The following EFCAB5 variants were observed in gnomAD, a reference collection of about 807,000 sequenced individuals.
The protein encoded by EFCAB5 is EF-hand calcium-binding domain-containing protein 5.
Under a neutral mutation model 167.9 loss-of-function variants are expected in EFCAB5, and 131 were observed. That is an observed-to-expected ratio of 0.78 (90% CI 0.68 to 0.90). EFCAB5 has a LOEUF of 0.90. EFCAB5 is among the 40% of genes least tolerant of loss of function. The pLI is 0.00. For synonymous variants in EFCAB5, 574 were observed against 602.8 expected (o/e 0.95, Z 0.70); for missense variants, 1,663 against 1,745.2 (o/e 0.95, Z 0.84).
intron 4 of EFCAB5, among the ~76,000 whole-genome samples, chr17:29,988,853 T>C (rs1345863728): frequency 6.6e-6 from 1 of 152,192 alleles, no homozygotes; most frequent in East Asian, 1.9e-4. Context: ...GATCTTGCTC[T>C]TGAACAATAA....
Position 30,055,956 on chromosome 17 carries a change from T to A in EFCAB5, c.2263T>A (p.Ser755Thr). The change falls in exon 11 of 23, where the codon TCA becomes ACA. Residue 755 changes from serine to threonine, a missense_variant. Physicochemically the swap from Ser to Thr is moderately conservative, Grantham distance 58 (BLOSUM62 1). Transcript: ENST00000394835. ...CAAGTCCCAAAAAATAGAAGGAAAG[T>A]CATGGTCAGGTAACTCCTCATTTAA... ...EPKSQKIEGK[S>T]WSGEFFTCNW... is the part of the protein sequence containing the mutation. The A allele has an allele frequency of 6.2e-7, 1 of 1,613,516 alleles. No individual in the cohort carries two copies. Among genetic ancestry groups the A allele is most frequent in the South Asian group, 1.1e-5 (1 of 91,018 alleles).
In EFCAB5 at chr17:30,070,171, T is replaced by C. The variant is rs181996156; in HGVS notation, c.2738-8044T>C. Among the ~76,000 whole-genome samples, 31 of 152,230 alleles carry C rather than the reference T, an allele frequency of 2.0e-4. No homozygotes were observed. In the East Asian group the frequency reaches 5.2e-3, roughly 26 times the overall value. On this transcript the variant is annotated intron_variant, in intron 14 of 22. Transcript: ENST00000394835. ...CAACCAATAAACAGACTCACTGGATTATAGAAAAGAAAATTCACATTTGCC... is the reference window on the plus strand; with the variant it reads ...CAACCAATAAACAGACTCACTGGATCATAGAAAAGAAAATTCACATTTGCC...
chr17:29,938,418 G>C (rs1476094416), upstream of EFCAB5, among the ~76,000 whole-genome samples: 1 of 152,216 alleles, frequency 6.6e-6, no homozygotes, highest in Admixed American at 6.5e-5. Context: ...AGTAGTGGTT[G>C]CTGAAGGCTA....
intron 14 of EFCAB5, among the ~76,000 whole-genome samples, chr17:30,076,765 A>T (rs2151829616): frequency 6.6e-6 from 1 of 152,324 alleles, no homozygotes; most frequent in South Asian, 2.1e-4. Context: ...TGCTCATAAC[A>T]CTGTTCATAT....
Position 30,092,896 on chromosome 17 carries a change from T to C in EFCAB5, c.4281T>C (p.His1427=). Reference sequence around the variant, plus strand: ...GTGCCTTTGATCCAACTGCCAAGCATGTGGAAGTTAATGTACAGCTTATTG... The same window carrying C: ...GTGCCTTTGATCCAACTGCCAAGCACGTGGAAGTTAATGTACAGCTTATTG... ...NICAFDPTAK[H]VEVNVQLIDE... The change falls in exon 22 of 23, where the codon CAT becomes CAC. Residue 1427 remains histidine, a synonymous_variant. Transcript: ENST00000394835. The C allele has an allele frequency of 6.2e-7, 1 of 1,612,052 alleles. No homozygotes were observed. The highest frequency in any genetic ancestry group is 8.5e-7 in the Non-Finnish European group (1 of 1,179,154).
rs764677936 is a variant in EFCAB5, at chr17:30,107,839, T to C, written c.4327T>C (p.Ser1443Pro). 6.4e-7 allele frequency: 1 copy of C among 1,565,334 alleles called. No homozygotes were observed. The highest frequency in any genetic ancestry group is 1.4e-5 in the African/African-American group (1 of 72,114). Residue 1443 changes from serine (S) to proline (P), a missense_variant, in exon 23 of 23, where the codon TCC (serine) becomes CCC (proline). Coordinates refer to ENST00000394835, the MANE Select transcript of EFCAB5 (RefSeq NM_198529.4). ...QLIDEYIRDH[S>P]RTEVWKFGNV... ...CTTTTTTTTTCCTGATGCAGATCAT[T>C]CCCGAACTGAAGTATGGAAATTTGG...
At chr17:29,994,135 T>TATATAA (rs1200341906) in intron 5 of EFCAB5, among the ~76,000 whole-genome samples, 1 of 26,024 alleles carries the variant, frequency 3.8e-5, no homozygotes, top group African/African-American at 3.0e-4. Flanking sequence ...CAACAACAAA[T>TATATAA]ATATATATAT....
intron 8 of EFCAB5, among the ~76,000 whole-genome samples, chr17:30,049,208 AG>A (rs2070013943): frequency 2.0e-5 from 3 of 152,162 alleles, no homozygotes; most frequent in Admixed American, 2.0e-4. Flanking sequence ...ATAAAAATAC[AG>A]GGTTTATGAC....
upstream of EFCAB5, among the ~76,000 whole-genome samples, chr17:29,937,719 T>C (rs961638724): frequency 1.5e-4 from 23 of 152,150 alleles, no homozygotes; most frequent in African/African-American, 4.6e-4. Context: ...GTTCTAATTA[T>C]ATATTCAGGG....
At chr17:30,069,684 T>C (rs2070678683) in intron 14 of EFCAB5, 7 of 1,387,312 alleles carry the variant, frequency 5.0e-6, no homozygotes, top group Admixed American at 1.9e-5. Context: ...GCTCACAGGC[T>C]GTGTACTCTC....
At chr17:29,972,295 C>A (rs1024364941) in intron 4 of EFCAB5, among the ~76,000 whole-genome samples, 1 of 151,550 alleles carries the variant, frequency 6.6e-6, no homozygotes, top group Non-Finnish European at 1.5e-5. Context: ...GTGATCCGCC[C>A]GCCTCGGCTT....
chr17:30,081,845 ATGGAG>A, intron 17 of EFCAB5, among the ~76,000 whole-genome samples: 1 of 152,226 alleles, frequency 6.6e-6, no homozygotes, highest in Non-Finnish European at 1.5e-5. Flanking sequence ...ATGGAGGAGT[ATGGAG>A]TTATCAGTAG....
At chr17:30,020,362 T>C (rs991499524) in intron 7 of EFCAB5, among the ~76,000 whole-genome samples, 2 of 151,232 alleles carry the variant, frequency 1.3e-5, no homozygotes, top group Non-Finnish European at 3.0e-5. Flanking sequence ...TATTCTTTTT[T>C]TTTTTTTCTT....
chr17:30,067,784 C>G (rs553132790), intron 14 of EFCAB5, among the ~76,000 whole-genome samples: 1 of 152,190 alleles, frequency 6.6e-6, no homozygotes, highest in East Asian at 1.9e-4. Context: ...ACAAAGATAA[C>G]CACTTTCACC....
At chr17:30,005,780 T>G (rs779123124) in intron 7 of EFCAB5, among the ~76,000 whole-genome samples, 18 of 152,166 alleles carry the variant, frequency 1.2e-4, no homozygotes, top group Non-Finnish European at 2.5e-4. Flanking sequence ...AAACAGACTC[T>G]TTTTGGCAAT....
intron 22 of EFCAB5, among the ~76,000 whole-genome samples, chr17:30,106,135 A>T (rs570177203): frequency 4.5e-4 from 68 of 149,576 alleles, no homozygotes; most frequent in Non-Finnish European, 8.0e-4. Flanking sequence ...TTACTCAATT[A>T]AAAAAAAAGC....
intron 3 of EFCAB5, among the ~76,000 whole-genome samples, chr17:29,953,148 A>G (rs1257752475): frequency 2.6e-5 from 4 of 152,178 alleles, no homozygotes; most frequent in Non-Finnish European, 5.9e-5. Context: ...TGCCATATTC[A>G]GCCCAAAAGC....
chr17:29,986,141 C>T (rs2068277405), intron 4 of EFCAB5, among the ~76,000 whole-genome samples: 1 of 152,186 alleles, frequency 6.6e-6, no homozygotes, highest in South Asian at 2.1e-4. Context: ...TCAGGTGTGT[C>T]TGGGATACTT....
Position 30,108,305 on chromosome 17 carries a change from T to G in EFCAB5, c.*281T>G, listed in dbSNP as rs1228248695. 1.2e-5 allele frequency: 3 copies of G among 241,866 alleles called. No individual in the cohort carries two copies. Among genetic ancestry groups the G allele is most frequent in the African/African-American group, 7.0e-5 (3 of 43,132 alleles). The allele number at this position is 241,866 out of a possible 1,614,324, so 15.0% of individuals were successfully genotyped here. A position where few individuals can be genotyped will look rare whatever the true frequency, so the allele number is the denominator to read the frequency against. ...TTGAGCTTTGTATCTGCTGTGGAAC[T>G]GTTATGGTTGATTGGGTAGTTATTT... On this transcript the variant is annotated 3_prime_UTR_variant, in exon 23 of 23. Transcript: ENST00000394835.
Sources: gnomAD v4.1 joint callset for allele counts (sites outside exome capture counted in the v4.1 genomes callset) on GRCh38, gnomAD v4.1.1 for gene constraint, MANE v1.5 for transcripts, NCBI Gene and HGNC (gene_info 2026-07-23, HGNC 2026-07-21) for gene names.